Variants in EEF1A1 observed in about 807,000 individuals in gnomAD.
The protein encoded by EEF1A1 is elongation factor 1-alpha 1.
A neutral mutation model predicts 38.5 loss-of-function variants in EEF1A1; 1 was observed. That is an observed-to-expected ratio of 0.03 (90% confidence interval 0.01 to 0.12). The LOEUF (loss-of-function observed/expected upper bound fraction) is 0.12. EEF1A1 is among the 10% of genes least tolerant of loss of function. The pLI is 1.00. For synonymous variants in EEF1A1, 229 were observed against 203.7 expected (o/e 1.12, Z -1.06); for missense variants, 184 against 588.3 (o/e 0.31, Z 7.11).
chr6:73,516,092 A>G lies in EEF1A1; in HGVS notation c.*1718T>C, dbSNP rs1765507623. On this transcript the variant is annotated 3_prime_UTR_variant, in exon 8 of 8. Coordinates refer to ENST00000309268, the MANE Select transcript of EEF1A1 (RefSeq NM_001402.6). ...GTAAACATTAGATAGCAAAGAAACT[A>G]AGGACAAAAATCTCTAGTTCAATTT... is the stretch of plus-strand genomic sequence containing the variant. 1 of 152,232 alleles carries G rather than the reference A, an allele frequency of 6.6e-6. No individual in the cohort carries two copies. The highest frequency in any genetic ancestry group is 6.5e-5 in the Admixed American group (1 of 15,288). The allele number at this position is 152,232 out of a possible 1,614,324, so 9.4% of individuals were successfully genotyped here.
chr6:73,518,641 A>G (rs1582713881), intron 5 of EEF1A1, 31 bp from the exon 6 acceptor site: 1 of 1,612,924 alleles, frequency 6.2e-7, no homozygotes, highest in Non-Finnish European at 8.5e-7. Flanking sequence ...CTAAATACCT[A>G]TGAAGGCAGA....
Position 73,517,747 on chromosome 6 carries a change from C to G in EEF1A1, c.*63G>C. ...AACTTAAATGGCCAATTGAAACAAA[C>G]AGTTCTGAGACCGTTCTTCCACCAC... On this transcript the variant is annotated 3_prime_UTR_variant, in exon 8 of 8. Transcript: ENST00000309268. 1 of 867,002 alleles carries G rather than the reference C, an allele frequency of 1.2e-6. No homozygotes were observed. The highest frequency in any genetic ancestry group is 2.9e-5 in the Admixed American group (1 of 34,602). The allele number at this position is 867,002 out of a possible 1,614,324, so 53.7% of individuals were successfully genotyped here.
rs1765507880 is a variant in EEF1A1 at position 73,516,112 on chromosome 6, C to G, written c.*1698G>C. ...AAACTAAGGACAAAAATCTCTAGTT[C>G]AATTTAGACTTGATACCTCAGAGCA... On this transcript the variant is annotated 3_prime_UTR_variant, in exon 8 of 8. Transcript: ENST00000309268. 1.3e-5 allele frequency: 2 copies of G among 152,184 alleles called. No homozygotes were observed. Among genetic ancestry groups the G allele is most frequent in the African/African-American group, 4.8e-5 (2 of 41,442 alleles). 9.4% of individuals were successfully genotyped at this position (152,184 alleles called of 1,614,324 possible).
At chr6:73,520,267 A>C in intron 1 of EEF1A1, 1 of 453,180 alleles carries the variant, frequency 2.2e-6, no homozygotes, top group Non-Finnish European at 3.9e-6. Flanking sequence ...TCGAGAACTA[A>C]TCGAGGTGCC....
At position 73,517,700 on chromosome 6, in the gene EEF1A1, A is replaced by G. The variant is rs1265743548; in HGVS notation, c.*110T>C. ...GAAGGTTTTACGATGCATTGTTATC[A>G]TTAACCAGTCTTTTACTACTAAACT... On this transcript the variant is annotated 3_prime_UTR_variant, in exon 8 of 8. Coordinates refer to ENST00000309268, the MANE Select transcript of EEF1A1 (RefSeq NM_001402.6). The G allele has an allele frequency of 1.7e-6, 1 of 591,594 alleles. No homozygotes were observed. The highest frequency in any genetic ancestry group is 4.6e-4 in the Middle Eastern group (1 of 2,192). The allele number at this position is 591,594 out of a possible 1,614,324, so 36.6% of individuals were successfully genotyped here.
Position 73,517,110 on chromosome 6 carries a change from A to G in EEF1A1, c.*700T>C, listed in dbSNP as rs1050174252. ...ACACTAGCCACTACACTTATTTCTT[A>G]TGTCATGGCAAATAGTCAACTTTCA... On this transcript the variant is annotated 3_prime_UTR_variant, in exon 8 of 8. Transcript: ENST00000309268. 2.0e-5 allele frequency: 3 copies of G among 152,238 alleles called. No homozygotes were observed. Among genetic ancestry groups the G allele is most frequent in the African/African-American group, 4.8e-5 (2 of 41,448 alleles). The allele number at this position is 152,238 out of a possible 1,614,324, so 9.4% of individuals were successfully genotyped here. A position where few individuals can be genotyped will look rare whatever the true frequency, so the allele number is the denominator to read the frequency against.
In EEF1A1 at chr6:73,519,869, G is replaced by A. The variant is rs1453740876; in HGVS notation, c.144+14C>T. ...CATTTTAGTTGATCTTTCCCTTTCT[G>A]GTATTAAACATACCTCAGCAGCCTC... On this transcript the variant is annotated intron_variant, in intron 2 of 7. Coordinates refer to ENST00000309268, the MANE Select transcript of EEF1A1 (RefSeq NM_001402.6). The A allele has an allele frequency of 2.5e-6, 4 of 1,612,030 alleles. No homozygotes were observed. Among genetic ancestry groups the A allele is most frequent in the South Asian group, 1.1e-5 (1 of 90,756 alleles).
rs139388407 is a variant in EEF1A1 at position 73,518,456 on chromosome 6, G to A, written c.927C>T (p.Gly309=). Residue 309 remains glycine, a synonymous_variant, in exon 6 of 8, where the codon GGC becomes GGT. Transcript: ENST00000309268. ...LSEALPGDNV[G]FNVKNVSVKD... ...TGACAGACACATTCTTGACATTGAA[G>A]CCCACATTGTCCCCAGGAAGAGCTT... 3.7e-5 allele frequency: 59 copies of A among 1,613,842 alleles called. No individual in the cohort carries two copies. In the African/African-American group the frequency reaches 7.1e-4, roughly 19 times the overall value.
In EEF1A1 at chr6:73,517,661, T is replaced by C. The variant is rs1765553799; in HGVS notation, c.*149A>G. 2.2e-6 allele frequency: 1 copy of C among 464,758 alleles called. No individual in the cohort carries two copies. The highest frequency in any genetic ancestry group is 3.8e-6 in the Non-Finnish European group (1 of 264,558). The allele number at this position is 464,758 out of a possible 1,614,324, so 28.8% of individuals were successfully genotyped here. ...AAAACCAAAGTGGTCCACAAAACAT[T>C]CTCCTTTCCTTCTGAAGGTTTTACG... is the stretch of plus-strand genomic sequence containing the variant. On this transcript the variant is annotated 3_prime_UTR_variant, in exon 8 of 8. Coordinates refer to ENST00000309268, the MANE Select transcript of EEF1A1 (RefSeq NM_001402.6).
rs376297133 is a variant in EEF1A1 at position 73,516,730 on chromosome 6, G to C, written c.*1080C>G. The C allele has an allele frequency of 6.6e-6, 1 of 152,098 alleles. No homozygotes were observed. The highest frequency in any genetic ancestry group is 1.9e-4 in the East Asian group (1 of 5,202). The allele number at this position is 152,098 out of a possible 1,614,324, so 9.4% of individuals were successfully genotyped here. ...TACATATGGGAGGTCAGGCACAGTG[G>C]CTCATGCCTGTAATCCCAGCAGGAA... On this transcript the variant is annotated 3_prime_UTR_variant, in exon 8 of 8. Coordinates refer to ENST00000309268, the MANE Select transcript of EEF1A1 (RefSeq NM_001402.6).
chr6:73,516,997 T>C lies in EEF1A1; in HGVS notation c.*813A>G, dbSNP rs1765533637. On this transcript the variant is annotated 3_prime_UTR_variant, in exon 8 of 8. Transcript: ENST00000309268. ...ATTAGAACCTTGTTCCTATTCTGAA[T>C]AGCACTCAATAGAACTTGTGAAACC... 6.6e-6 allele frequency: 1 copy of C among 152,224 alleles called. No individual in the cohort carries two copies. Among genetic ancestry groups the C allele is most frequent in the African/African-American group, 2.4e-5 (1 of 41,456 alleles). 9.4% of individuals were successfully genotyped at this position (152,224 alleles called of 1,614,324 possible).
At position 73,516,626 on chromosome 6, in the gene EEF1A1, T is replaced by G. The variant is rs1360442182; in HGVS notation, c.*1184A>C. The G allele has an allele frequency of 6.6e-6, 1 of 152,088 alleles. No homozygotes were observed. Among genetic ancestry groups the G allele is most frequent in the Non-Finnish European group, 1.5e-5 (1 of 68,032 alleles). 9.4% of individuals were successfully genotyped at this position (152,088 alleles called of 1,614,324 possible). A position where few individuals can be genotyped will look rare whatever the true frequency, so the allele number is the denominator to read the frequency against. ...AAAACCATCACACAAACAGAAAGCA[T>G]GTCCTTTAATTTTACCTATCCTTCA... is the stretch of plus-strand genomic sequence containing the variant. On this transcript the variant is annotated 3_prime_UTR_variant, in exon 8 of 8. Transcript: ENST00000309268.
rs1765503820 is a variant in EEF1A1 at position 73,515,943 on chromosome 6, C to T, written c.*1867G>A. 6.6e-6 allele frequency: 1 copy of T among 152,142 alleles called. No homozygotes were observed. Among genetic ancestry groups the T allele is most frequent in the African/African-American group, 2.4e-5 (1 of 41,390 alleles). The allele number at this position is 152,142 out of a possible 1,614,324, so 9.4% of individuals were successfully genotyped here. ...AGTTAAATCTTGCTTCCTTGCATGTCAAGAATTCTCTACTGGTAAATCTTA... is the reference window on the plus strand; with the variant it reads ...AGTTAAATCTTGCTTCCTTGCATGTTAAGAATTCTCTACTGGTAAATCTTA... On this transcript the variant is annotated 3_prime_UTR_variant, in exon 8 of 8. Coordinates refer to ENST00000309268, the MANE Select transcript of EEF1A1 (RefSeq NM_001402.6).
intron 1 of EEF1A1, 70 bp from the exon 2 acceptor site, chr6:73,520,126 A>T (rs1341519186): frequency 1.4e-6 from 2 of 1,433,654 alleles, no homozygotes; most frequent in Admixed American, 2.3e-5. Context: ...CAAACTCAAA[A>T]AGGGCAAATT....
chr6:73,516,211 G>C lies in EEF1A1; in HGVS notation c.*1599C>G, dbSNP rs749018166. On this transcript the variant is annotated 3_prime_UTR_variant, in exon 8 of 8. Coordinates refer to ENST00000309268, the MANE Select transcript of EEF1A1 (RefSeq NM_001402.6). ...AACGATAACACTTCATTACAGACTT[G>C]TCTATGGCCAATTCAAGTACCTTTG... 2.0e-5 allele frequency: 3 copies of C among 152,106 alleles called. No individual in the cohort carries two copies. The highest frequency in any genetic ancestry group is 6.6e-5 in the Admixed American group (1 of 15,260). The allele number at this position is 152,106 out of a possible 1,614,324, so 9.4% of individuals were successfully genotyped here.
intron 1 of EEF1A1, chr6:73,520,283 G>C (rs778364666): frequency 7.2e-6 from 3 of 419,402 alleles, no homozygotes; most frequent in Non-Finnish European, 1.3e-5. Flanking sequence ...GTGCCTGGAC[G>C]GCGCCCGGTA....
rs952745542 is a variant in EEF1A1 at position 73,517,286 on chromosome 6, C to T, written c.*524G>A. 1 of 152,776 alleles carries T rather than the reference C, an allele frequency of 6.5e-6. No individual in the cohort carries two copies. Among genetic ancestry groups the T allele is most frequent in the African/African-American group, 2.4e-5 (1 of 41,474 alleles). The allele number at this position is 152,776 out of a possible 1,614,324, so 9.5% of individuals were successfully genotyped here. A position where few individuals can be genotyped will look rare whatever the true frequency, so the allele number is the denominator to read the frequency against. On this transcript the variant is annotated 3_prime_UTR_variant, in exon 8 of 8. Coordinates refer to ENST00000309268, the MANE Select transcript of EEF1A1 (RefSeq NM_001402.6). ...GTTTTTGGCCTGTTTTAGTGACAGGCAATCAGCAACATGCTGCATTTCTCT... is the reference window on the plus strand; with the variant it reads ...GTTTTTGGCCTGTTTTAGTGACAGGTAATCAGCAACATGCTGCATTTCTCT...
At position 73,520,075 on chromosome 6, in the gene EEF1A1, A is replaced by C. The variant is rs776970559; in HGVS notation, c.-30-19T>G. 1 of 1,569,004 alleles carries C rather than the reference A, an allele frequency of 6.4e-7. No homozygotes were observed. Among genetic ancestry groups the C allele is most frequent in the Non-Finnish European group, 8.6e-7 (1 of 1,168,694 alleles). Reference sequence around the variant, plus strand: ...ACGACACCTGAAATGGAAGAAAAAAACTTTGAACCACTGTCTGAGGCTTGA... The same window carrying C: ...ACGACACCTGAAATGGAAGAAAAAACCTTTGAACCACTGTCTGAGGCTTGA... On this transcript the variant is annotated intron_variant, in intron 1 of 7. Transcript: ENST00000309268.
intron 1 of EEF1A1, chr6:73,520,330 A>C (rs1019154774): frequency 7.4e-6 from 2 of 270,504 alleles, no homozygotes; most frequent in Admixed American, 1.0e-4. Flanking sequence ...CTGAGGACGG[A>C]AAGGCCCTTT....
Sources: allele counts gnomAD v4.1 joint callset, GRCh38; gene constraint gnomAD v4.1.1; transcripts MANE v1.5; gene names NCBI Gene and HGNC (gene_info 2026-07-23, HGNC 2026-07-21).